The following NRXN3 variants were observed in gnomAD, a reference collection of about 807,000 sequenced individuals.
The protein encoded by NRXN3 is neurexin III.
In NRXN3, 32 loss-of-function variants were observed where a neutral mutation model predicts 137.6. That is an observed-to-expected ratio of 0.23 (90% confidence interval 0.18 to 0.31). NRXN3 has a LOEUF of 0.31. NRXN3 is among the 10% of genes least tolerant of loss of function. The pLI is 1.00. For synonymous variants in NRXN3, 798 were observed against 784.5 expected, an observed-to-expected ratio of 1.02 and a Z score of -0.29; for missense variants, 1,574 against 2,062.5, an observed-to-expected ratio of 0.76 and a Z score of 4.59.
intron 4 of NRXN3, among the ~76,000 whole-genome samples, chr14:78,546,491 A>C (rs559259630): frequency 6.6e-6 from 1 of 152,232 alleles, no homozygotes; most frequent in Admixed American, 6.5e-5. Flanking sequence ...TTACTTTTTA[A>C]TGTAGTTAGA....
intron 4 of NRXN3, among the ~76,000 whole-genome samples, chr14:78,562,152 A>C (rs1326623102): frequency 6.6e-6 from 1 of 152,058 alleles, no homozygotes; most frequent in Non-Finnish European, 1.5e-5. Context: ...TAATCCCAGC[A>C]CTTTGGGAGG....
chr14:79,546,073 T>G (rs763844941), intron 16 of NRXN3, among the ~76,000 whole-genome samples: 33 of 152,190 alleles, frequency 2.2e-4, no homozygotes, highest in Non-Finnish European at 4.1e-4. Flanking sequence ...ACGTAAGGTG[T>G]GACTTGCTCC....
At chr14:79,207,323 G>A (rs1325005489) in intron 15 of NRXN3, among the ~76,000 whole-genome samples, 1 of 152,132 alleles carries the variant, frequency 6.6e-6, no homozygotes, top group Admixed American at 6.6e-5. Context: ...CGCCCCAAGC[G>A]AACATGACAC....
At chr14:78,426,119 T>G (rs948256466) in intron 4 of NRXN3, among the ~76,000 whole-genome samples, 1 of 152,192 alleles carries the variant, frequency 6.6e-6, no homozygotes, top group Non-Finnish European at 1.5e-5. Flanking sequence ...CCCAGAGAGC[T>G]CATTGACTCT....
intron 15 of NRXN3, among the ~76,000 whole-genome samples, chr14:79,144,406 A>G (rs1405533774): frequency 1.3e-5 from 2 of 152,178 alleles, no homozygotes; most frequent in African/African-American, 2.4e-5. Context: ...ATTGGAATGG[A>G]CAAGGAACAA....
chr14:78,309,979 G>A (rs2077780622), intron 4 of NRXN3, among the ~76,000 whole-genome samples: 1 of 152,084 alleles, frequency 6.6e-6, no homozygotes, highest in South Asian at 2.1e-4. Flanking sequence ...ACACACCACA[G>A]ATGTTAAAAC....
In NRXN3 at chr14:78,269,691, C is replaced by T. The variant is rs79167939; in HGVS notation, c.710-8954C>T. Among the ~76,000 whole-genome samples, 293 of 152,276 alleles carry T rather than the reference C, an allele frequency of 1.9e-3. 9 individuals are homozygous for T. In the East Asian group the frequency reaches 0.047, roughly 24 times the overall value. On this transcript the variant is annotated intron_variant, in intron 2 of 20. Transcript: ENST00000335750. ...AAACTGAGGTTTCTTTCCCACACCC[C>T]GTATCACCATCCCCTACAGAGCAGC...
Position 78,645,369 on chromosome 14 carries a change from A to C in NRXN3, c.1007A>C (p.Lys336Thr). 6.3e-7 allele frequency: 1 copy of C among 1,597,924 alleles called. No homozygotes were observed. Among genetic ancestry groups the C allele is most frequent in the Non-Finnish European group, 8.5e-7 (1 of 1,178,944 alleles). ...FEAIVEPVNG[K>T]FNDNAWHDVK... is the part of the protein sequence containing the mutation. The stretch of plus-strand genomic sequence containing the variant: ...GCCATTGTGGAGCCAGTGAATGGAA[A>C]ATTCAACGACAACGCCTGGCATGAT... The change falls in exon 5 of 21, where the codon AAA becomes ACA. Residue 336 changes from lysine (K) to threonine (T), a missense_variant. Lys to Thr is a moderately conservative substitution (Grantham distance 78, BLOSUM62 -1). This residue lies in a region of NRXN3 where 400 missense variants were observed against 527.3 expected (regional missense o/e 0.76). Coordinates refer to ENST00000335750, the MANE Select transcript of NRXN3 (RefSeq NM_001330195.2).
At position 79,857,972 on chromosome 14, in the gene NRXN3, G is replaced by A. The variant is rs1437323750; in HGVS notation, c.4094-3370G>A. Among the ~76,000 whole-genome samples, 4 of 152,076 alleles carry A rather than the reference G, an allele frequency of 2.6e-5. No homozygotes were observed. The East Asian group carries it at 7.7e-4, about 29-fold the overall frequency. On this transcript the variant is annotated intron_variant, in intron 20 of 20. Transcript: ENST00000335750. ...AAATGGCAAAGAAAACTAGAGATCA[G>A]TAGTTCTGAAAGATTTTGTTTTCTA...
intron 16 of NRXN3, among the ~76,000 whole-genome samples, chr14:79,626,941 G>T (rs1022616940): frequency 2.6e-5 from 4 of 152,240 alleles, no homozygotes; most frequent in Admixed American, 2.6e-4. Context: ...CCCATTATCA[G>T]ACCCTCTAGA....
chr14:78,434,612 G>T (rs1290919546), intron 4 of NRXN3, among the ~76,000 whole-genome samples: 1 of 152,146 alleles, frequency 6.6e-6, no homozygotes, highest in Admixed American at 6.5e-5. Context: ...AAAAGGGAGG[G>T]ATTTGGACAA....
intron 19 of NRXN3, among the ~76,000 whole-genome samples, chr14:79,752,628 A>T (rs1351511226): frequency 3.3e-5 from 5 of 151,300 alleles, no homozygotes; most frequent in African/African-American, 9.8e-5. Context: ...GAAGAAAACC[A>T]AGGCATTACC....
intron 4 of NRXN3, among the ~76,000 whole-genome samples, chr14:78,605,950 T>C (rs1322384371): frequency 1.3e-5 from 2 of 152,188 alleles, no homozygotes; most frequent in African/African-American, 2.4e-5. Context: ...TGTGTATACA[T>C]GTTTTTAATT....
chr14:79,401,144 TAC>T (rs1479030743), intron 15 of NRXN3, among the ~76,000 whole-genome samples: 3 of 152,206 alleles, frequency 2.0e-5, no homozygotes, highest in Non-Finnish European at 4.4e-5. Context: ...GGCCAAATTT[TAC>T]CCATGGACCT....
chr14:79,476,614 T>C (rs994177666), intron 16 of NRXN3, among the ~76,000 whole-genome samples: 2 of 152,248 alleles, frequency 1.3e-5, no homozygotes, highest in Admixed American at 6.5e-5. Flanking sequence ...CTACATTTAC[T>C]CGGGAGCATG....
chr14:78,714,622 G>T lies in NRXN3; in HGVS notation c.1661-134G>T. 7 of 1,030,494 alleles carry T rather than the reference G, an allele frequency of 6.8e-6. No individual in the cohort carries two copies. The South Asian group carries it at 1.1e-4, about 16-fold the overall frequency. The allele number at this position is 1,030,494 out of a possible 1,614,324, so 63.8% of individuals were successfully genotyped here. On this transcript the variant is annotated intron_variant, in intron 7 of 20. Transcript: ENST00000335750. ...CCTACATTGTCTTTTCCATTGTCTT[G>T]TAACATCTAATTCTCTTGCTTACAT...
chr14:79,600,060 A>G (rs986796049), intron 16 of NRXN3, among the ~76,000 whole-genome samples: 1 of 152,172 alleles, frequency 6.6e-6, no homozygotes, highest in Non-Finnish European at 1.5e-5. Flanking sequence ...TAATTTCTCT[A>G]TTTTGGTGAT....
intron 15 of NRXN3, among the ~76,000 whole-genome samples, chr14:79,073,503 T>A (rs1338214064): frequency 6.6e-6 from 1 of 152,128 alleles, no homozygotes; most frequent in East Asian, 1.9e-4. Flanking sequence ...GTGAATAAAA[T>A]CAATGCTGAA....
chr14:79,253,321 G>A (rs1249209622), intron 15 of NRXN3, among the ~76,000 whole-genome samples: 1 of 152,116 alleles, frequency 6.6e-6, no homozygotes, highest in African/African-American at 2.4e-5. Context: ...CCATAGTTTA[G>A]GTATGGTTGC....
Sources: gnomAD v4.1 joint callset for allele counts (sites outside exome capture counted in the v4.1 genomes callset) on GRCh38, gnomAD v4.1.1 for gene constraint, gnomAD v4.1.1 regional missense constraint, MANE v1.5 for transcripts, NCBI Gene and HGNC (gene_info 2026-07-23, HGNC 2026-07-21) for gene names.